Variants in SDK1 observed in about 807,000 individuals in gnomAD.
SDK1 encodes protein sidekick-1.
Under a neutral mutation model 245.5 loss-of-function variants are expected in SDK1, and 157 were observed. The ratio of observed to expected loss-of-function variants is 0.64; its 90% confidence interval spans 0.56 to 0.73. The LOEUF (loss-of-function observed/expected upper bound fraction) is 0.73, where lower values mean the gene tolerates loss of function less well. Ranked by LOEUF, SDK1 falls within the 30% of genes least tolerant of loss-of-function variation. The pLI is 0.00. For missense variants in SDK1, 3,583 were observed against 3,002.3 expected (o/e 1.19, Z -4.52); for synonymous variants, 1,647 against 1,278.5 (o/e 1.29, Z -6.15).
At chr7:3,466,979 T>TCTACAC (rs1554275624) in intron 1 of SDK1, among the ~76,000 whole-genome samples, 23 of 127,590 alleles carry the variant, frequency 1.8e-4, no homozygotes, top group South Asian at 2.9e-4. Context: ...TCTCTCTCTC[T>TCTACAC]ACACACACAC....
At chr7:4,074,886 G>GTGTGTGTA (rs1401453083) in intron 20 of SDK1, among the ~76,000 whole-genome samples, 1 of 48,110 alleles carries the variant, frequency 2.1e-5, no homozygotes, top group African/African-American at 1.6e-4. Context: ...CTCTCTCTCT[G>GTGTGTGTA]TATATATATA....
chr7:3,599,090 CT>C (rs58431507), intron 1 of SDK1, among the ~76,000 whole-genome samples: 33,584 of 80,194 alleles, frequency 0.42, 5,457 homozygotes, highest in Middle Eastern at 0.48. Flanking sequence ...ACTAATCCAC[CT>C]TTTTTTTTTT....
At chr7:4,115,051 C>G (rs1346204897) in intron 25 of SDK1, among the ~76,000 whole-genome samples, 1 of 152,188 alleles carries the variant, frequency 6.6e-6, no homozygotes. Flanking sequence ...GGACTAACTT[C>G]CGCTGGCCAA....
intron 4 of SDK1, among the ~76,000 whole-genome samples, chr7:3,740,331 G>C (rs1052877900): frequency 6.6e-6 from 1 of 152,198 alleles, no homozygotes; most frequent in African/African-American, 2.4e-5. Flanking sequence ...AGTCAGAGCA[G>C]TTCAGAATCC....
chr7:3,732,371 G>T (rs1213159227), intron 4 of SDK1, among the ~76,000 whole-genome samples: 2 of 152,166 alleles, frequency 1.3e-5, no homozygotes, highest in Admixed American at 6.5e-5. Flanking sequence ...TTTTTAGGTA[G>T]AATAAAGTAG....
chr7:3,508,006 C>G (rs1296069604), intron 1 of SDK1, among the ~76,000 whole-genome samples: 1 of 152,112 alleles, frequency 6.6e-6, no homozygotes, highest in Non-Finnish European at 1.5e-5. Flanking sequence ...CCCTTACTTT[C>G]CTGACCCCAT....
At chr7:3,844,742 T>A (rs1210496740) in intron 5 of SDK1, among the ~76,000 whole-genome samples, 2 of 152,206 alleles carry the variant, frequency 1.3e-5, no homozygotes, top group Non-Finnish European at 2.9e-5. Context: ...AACCTCACTG[T>A]TTGCCCAAGG....
At chr7:3,721,443 A>G (rs1025609438) in intron 4 of SDK1, among the ~76,000 whole-genome samples, 1 of 152,214 alleles carries the variant, frequency 6.6e-6, no homozygotes, top group Non-Finnish European at 1.5e-5. Context: ...AATTATTTCA[A>G]AATAAAATGA....
At chr7:3,998,046 G>A (rs1784809999) in intron 14 of SDK1, among the ~76,000 whole-genome samples, 1 of 152,238 alleles carries the variant, frequency 6.6e-6, no homozygotes, top group Non-Finnish European at 1.5e-5. Context: ...GTGCCCAAGA[G>A]GGCAGGGATC....
chr7:3,527,579 T>C (rs1479617256), intron 1 of SDK1, among the ~76,000 whole-genome samples: 1 of 152,044 alleles, frequency 6.6e-6, no homozygotes, highest in African/African-American at 2.4e-5. Flanking sequence ...GGCTGGATCA[T>C]AGCCAGTTAG....
intron 22 of SDK1, among the ~76,000 whole-genome samples, chr7:4,088,744 A>G (rs923348200): frequency 6.6e-6 from 1 of 151,962 alleles, no homozygotes; most frequent in African/African-American, 2.4e-5. Flanking sequence ...TGGGGTTGAG[A>G]TTGTTGTATC....
Position 4,268,584 on chromosome 7 carries a change from C to T in SDK1, c.*3200C>T, listed in dbSNP as rs1467065606. ...TCACTCTGTACAGGTCTTCGGAGGC[C>T]GTGTTTGTATCTAACTGTGACTGGG... On this transcript the variant is annotated 3_prime_UTR_variant, in exon 45 of 45. Coordinates refer to ENST00000404826, the MANE Select transcript of SDK1 (RefSeq NM_152744.4). 6.4e-5 allele frequency: 87 copies of T among 1,355,506 alleles called. No homozygotes were observed. The highest frequency in any genetic ancestry group is 2.7e-4 in the East Asian group (6 of 21,898). The allele number at this position is 1,355,506 out of a possible 1,614,324, so 84.0% of individuals were successfully genotyped here.
chr7:3,368,210 T>C (rs190392930), intron 1 of SDK1, among the ~76,000 whole-genome samples: 1 of 152,304 alleles, frequency 6.6e-6, no homozygotes, highest in Admixed American at 6.5e-5. Context: ...GTTGAGCCAG[T>C]TATATAAGTC....
rs374215705 is a variant in SDK1, at chr7:4,161,866, C to T, written c.4800+10C>T. ...CCTGATACAGTGGCAGGTAAGAGCG[C>T]GGGGAATCACGCGCGTTTTGTCAAA... On this transcript the variant is annotated intron_variant, in intron 32 of 44. Transcript: ENST00000404826. 46 of 1,612,044 alleles carry T rather than the reference C, an allele frequency of 2.9e-5. No homozygotes were observed. Among genetic ancestry groups the T allele is most frequent in the Admixed American group, 5.0e-5 (3 of 60,018 alleles).
At chr7:3,798,023 A>C (rs2115031412) in intron 4 of SDK1, among the ~76,000 whole-genome samples, 1 of 152,226 alleles carries the variant, frequency 6.6e-6, no homozygotes, top group Non-Finnish European at 1.5e-5. Context: ...ACATGACCCT[A>C]GTCCATTCAT....
chr7:3,550,334 T>C (rs1779360335), intron 1 of SDK1, among the ~76,000 whole-genome samples: 1 of 152,212 alleles, frequency 6.6e-6, no homozygotes, highest in South Asian at 2.1e-4. Flanking sequence ...TTTCTTCCCT[T>C]TTCTAAATGT....
At chr7:3,436,729 G>T (rs1018677896) in intron 1 of SDK1, among the ~76,000 whole-genome samples, 1 of 152,016 alleles carries the variant, frequency 6.6e-6, no homozygotes, top group African/African-American at 2.4e-5. Context: ...CCACTAAATC[G>T]TGAAGAATGT....
At chr7:3,637,072 A>AGAGAGAGT (rs1554300712) in intron 2 of SDK1, among the ~76,000 whole-genome samples, 3 of 149,104 alleles carry the variant, frequency 2.0e-5, no homozygotes, top group African/African-American at 7.6e-5. Context: ...AGAGAGAGAG[A>AGAGAGAGT]GAGTGCGTGC....
chr7:3,863,264 C>T (rs1177149594), intron 5 of SDK1, among the ~76,000 whole-genome samples: 1 of 152,174 alleles, frequency 6.6e-6, no homozygotes, highest in Non-Finnish European at 1.5e-5. Context: ...TTCCTTACCT[C>T]TCCCACCAAT....
Sources: gnomAD v4.1 joint callset for allele counts (sites outside exome capture counted in the v4.1 genomes callset) on GRCh38, gnomAD v4.1.1 for gene constraint, MANE v1.5 for transcripts, NCBI Gene and HGNC (gene_info 2026-07-23, HGNC 2026-07-21) for gene names.